The following SCHIP1 variants were observed in gnomAD, a reference collection of about 807,000 sequenced individuals.
The protein encoded by SCHIP1 is schwannomin interacting protein 1.
A neutral mutation model predicts 29.7 loss-of-function variants in SCHIP1; 8 were observed. The ratio of observed to expected loss-of-function variants is 0.27; its 90% confidence interval spans 0.16 to 0.49. The LOEUF (loss-of-function observed/expected upper bound fraction) is 0.49. Ranked by LOEUF, SCHIP1 falls within the 20% of genes least tolerant of loss-of-function variation. The pLI is 0.99. For synonymous variants in SCHIP1, 76 were observed against 94.9 expected (o/e 0.80, Z 1.16); for missense variants, 193 against 294.6 (o/e 0.66, Z 2.52).
chr3:159,524,154 G>A, the SCHIP1 span, among the ~76,000 whole-genome samples: 1 of 152,162 alleles, frequency 6.6e-6, no homozygotes, highest in African/African-American at 2.4e-5. Flanking sequence ...GGTTCACTAT[G>A]CACCACGTAG....
chr3:159,446,041 T>TAAA, the SCHIP1 span, among the ~76,000 whole-genome samples: 9 of 151,518 alleles, frequency 5.9e-5, no homozygotes, highest in African/African-American at 1.9e-4. Flanking sequence ...ATAATAATAA[T>TAAA]AAAAAGAAAA....
At chr3:159,295,542 C>T in the SCHIP1 span, among the ~76,000 whole-genome samples, 2 of 152,146 alleles carry the variant, frequency 1.3e-5, no homozygotes, top group African/African-American at 2.4e-5. Flanking sequence ...CAGGCTCCTT[C>T]ATTTTTTCTT....
the SCHIP1 span, among the ~76,000 whole-genome samples, chr3:159,591,251 C>A: frequency 6.6e-6 from 1 of 152,152 alleles, no homozygotes; most frequent in Admixed American, 6.6e-5. Flanking sequence ...TTTGAATACC[C>A]TTTATTTCTT....
chr3:159,733,703 T>C, the SCHIP1 span, among the ~76,000 whole-genome samples: 9 of 152,220 alleles, frequency 5.9e-5, no homozygotes, highest in African/African-American at 2.2e-4. Flanking sequence ...AACTAACAAG[T>C]GCTCTATCCA....
At chr3:159,433,077 G>T in the SCHIP1 span, among the ~76,000 whole-genome samples, 1 of 152,130 alleles carries the variant, frequency 6.6e-6, no homozygotes, top group Non-Finnish European at 1.5e-5. Context: ...TTTTCCTTCA[G>T]CGCACTTGGA....
chr3:159,288,483 AC>A, the SCHIP1 span, among the ~76,000 whole-genome samples: 1 of 152,088 alleles, frequency 6.6e-6, no homozygotes, highest in South Asian at 2.1e-4. Context: ...GGTGCCTGTA[AC>A]CCCAGCACTT....
chr3:159,861,099 T>A lies in SCHIP1; in HGVS notation c.31-5064T>A, dbSNP rs1714012138. 6.6e-6 allele frequency among the ~76,000 whole-genome samples: 1 copy of A among 152,094 alleles called. No individual in the cohort carries two copies. The highest frequency in any genetic ancestry group is 1.5e-5 in the Non-Finnish European group (1 of 68,008). On this transcript the variant is annotated intron_variant, in intron 1 of 6. Coordinates refer to ENST00000445224, the Ensembl canonical transcript of SCHIP1. The surrounding 1 kb of genome is among the most constrained non-coding windows in gnomAD (Gnocchi z 4.1). ...AATATAGTTTGTTAATTAAATAGATTTTGAAAATGCAGAAAACACCCAATC... is the reference window on the plus strand; with the variant it reads ...AATATAGTTTGTTAATTAAATAGATATTGAAAATGCAGAAAACACCCAATC...
exon 7 of SCHIP1, chr3:159,896,960 T>C (rs1577514524): frequency 3.9e-6 from 2 of 509,078 alleles, no homozygotes. Flanking sequence ...TGCCACTTAA[T>C]ATCAGGCATT....
At chr3:159,800,275 C>A in the SCHIP1 span, among the ~76,000 whole-genome samples, 1 of 152,100 alleles carries the variant, frequency 6.6e-6, no homozygotes, top group African/African-American at 2.4e-5. Context: ...AAGGAGAAGT[C>A]GAGTGTAATT....
the SCHIP1 span, among the ~76,000 whole-genome samples, chr3:159,791,145 G>A: frequency 6.6e-6 from 1 of 152,278 alleles, no homozygotes; most frequent in East Asian, 1.9e-4. Context: ...GGACCTCAGC[G>A]CAGATAAGTA....
At chr3:159,578,431 T>C in the SCHIP1 span, among the ~76,000 whole-genome samples, 1 of 152,218 alleles carries the variant, frequency 6.6e-6, no homozygotes, top group Non-Finnish European at 1.5e-5. Flanking sequence ...ACTTTATACT[T>C]TAGTGTGTTT....
chr3:159,894,635 C>T (rs1230290874), intron 6 of SCHIP1: 1 of 151,566 alleles, frequency 6.6e-6, no homozygotes, highest in Non-Finnish European at 1.5e-5. Context: ...ATGTCATTTT[C>T]ATTCTTTACT....
At chr3:159,368,785 T>G in the SCHIP1 span, among the ~76,000 whole-genome samples, 1 of 152,194 alleles carries the variant, frequency 6.6e-6, no homozygotes, top group Non-Finnish European at 1.5e-5. Flanking sequence ...CCAGTAGGGC[T>G]TGAGGCTTGT....
the SCHIP1 span, among the ~76,000 whole-genome samples, chr3:159,553,210 T>C: frequency 1.3e-5 from 2 of 150,718 alleles, no homozygotes; most frequent in South Asian, 4.2e-4. Flanking sequence ...TAGATTAATG[T>C]GAGCAAACAA....
At chr3:159,588,036 A>G in the SCHIP1 span, among the ~76,000 whole-genome samples, 1 of 152,200 alleles carries the variant, frequency 6.6e-6, no homozygotes, top group South Asian at 2.1e-4. Context: ...TCCCTGAGAA[A>G]TCACCACACT....
At chr3:159,339,817 A>G in the SCHIP1 span, among the ~76,000 whole-genome samples, 8 of 151,970 alleles carry the variant, frequency 5.3e-5, no homozygotes, top group Non-Finnish European at 1.2e-4. Flanking sequence ...CTCCTTTTTC[A>G]CTTATTCTTT....
chr3:159,392,329 A>ACTT, the SCHIP1 span, among the ~76,000 whole-genome samples: 1 of 152,078 alleles, frequency 6.6e-6, no homozygotes, highest in South Asian at 2.1e-4. Context: ...TTATTATTAT[A>ACTT]CTTTAAGTTT....
chr3:159,497,120 G>T, the SCHIP1 span, among the ~76,000 whole-genome samples: 1 of 151,604 alleles, frequency 6.6e-6, no homozygotes, highest in Admixed American at 6.6e-5. Flanking sequence ...TTGGGGGAGG[G>T]ATAGCATTAG....
At chr3:159,370,863 T>C in the SCHIP1 span, among the ~76,000 whole-genome samples, 1 of 152,118 alleles carries the variant, frequency 6.6e-6, no homozygotes, top group African/African-American at 2.4e-5. Flanking sequence ...GGTTATACCA[T>C]TGGCTCCCTT....
Sources: gnomAD v4.1 joint callset for allele counts (sites outside exome capture counted in the v4.1 genomes callset) on GRCh38, gnomAD v4.1.1 for gene constraint, Gnocchi (gnomAD v3.1) non-coding constraint, MANE v1.5 for transcripts, NCBI Gene and HGNC (gene_info 2026-07-23, HGNC 2026-07-21) for gene names.